Variants in FRMD3 observed in about 807,000 individuals in gnomAD.
FRMD3 encodes FERM domain-containing protein 3.
A neutral mutation model predicts 70.2 loss-of-function variants in FRMD3; 33 were observed. That is an observed-to-expected ratio of 0.47 (90% confidence interval 0.36 to 0.63). FRMD3 has a LOEUF of 0.63. Ranked by LOEUF, FRMD3 falls within the 20% of genes least tolerant of loss-of-function variation. FRMD3 has a pLI of 0.00. For missense variants in FRMD3, 632 were observed against 711.4 expected (o/e 0.89, Z 1.27); for synonymous variants, 279 against 255.9 (o/e 1.09, Z -0.86).
At chr9:83,357,289 ATATATAT>A (rs1824430033) in intron 3 of FRMD3, among the ~76,000 whole-genome samples, 7 of 82,914 alleles carry the variant, frequency 8.4e-5, no homozygotes, top group African/African-American at 3.2e-4. Context: ...ATATATATAT[ATATATAT>A]AAAACATTTT....
At chr9:83,512,859 C>A (rs1400079746) in intron 1 of FRMD3, among the ~76,000 whole-genome samples, 2 of 152,116 alleles carry the variant, frequency 1.3e-5, no homozygotes, top group African/African-American at 4.8e-5. Context: ...AGGAAAGGTC[C>A]ACTTTGAAGA....
chr9:83,573,602 T>C, the FRMD3 span, among the ~76,000 whole-genome samples: 5 of 152,178 alleles, frequency 3.3e-5, no homozygotes, highest in Non-Finnish European at 5.9e-5. Flanking sequence ...CTCTCATCTC[T>C]ACTCTTCTGT....
At chr9:83,459,452 C>T (rs909303438) in intron 1 of FRMD3, among the ~76,000 whole-genome samples, 1 of 152,248 alleles carries the variant, frequency 6.6e-6, no homozygotes, top group African/African-American at 2.4e-5. Context: ...TTTCAGCTCA[C>T]TTCAAGATGA....
At chr9:83,319,786 T>C (rs1416128648) in intron 6 of FRMD3, among the ~76,000 whole-genome samples, 1 of 152,226 alleles carries the variant, frequency 6.6e-6, no homozygotes, top group East Asian at 1.9e-4. Flanking sequence ...AGAGTTTCTC[T>C]GCACAAGCTC....
chr9:83,259,629 T>TA (rs1391298415), intron 13 of FRMD3, among the ~76,000 whole-genome samples: 2 of 152,314 alleles, frequency 1.3e-5, no homozygotes, highest in Admixed American at 6.5e-5. Flanking sequence ...CTGTGTTTTC[T>TA]AAAAGTTACA....
chr9:83,380,686 T>C (rs1158452656), intron 2 of FRMD3, among the ~76,000 whole-genome samples: 1 of 152,172 alleles, frequency 6.6e-6, no homozygotes, highest in Non-Finnish European at 1.5e-5. Context: ...GTAAACAATA[T>C]AGCACTTAGT....
intron 4 of FRMD3, among the ~76,000 whole-genome samples, chr9:83,345,942 A>G (rs1048176289): frequency 2.0e-5 from 3 of 151,916 alleles, no homozygotes; most frequent in African/African-American, 7.3e-5. Context: ...GTTCATAATA[A>G]CACTATTCAT....
At chr9:83,492,949 A>G (rs977124291) in intron 1 of FRMD3, among the ~76,000 whole-genome samples, 1 of 152,140 alleles carries the variant, frequency 6.6e-6, no homozygotes, top group Non-Finnish European at 1.5e-5. Context: ...CAGCAAGTCC[A>G]GGGGCCGAGA....
At chr9:83,548,683 A>C in the FRMD3 span, among the ~76,000 whole-genome samples, 1 of 152,202 alleles carries the variant, frequency 6.6e-6, no homozygotes, top group South Asian at 2.1e-4. Flanking sequence ...CAAAACCCAT[A>C]GAACTGTGCA....
chr9:83,493,781 A>G (rs1335862297), intron 1 of FRMD3, among the ~76,000 whole-genome samples: 1 of 152,146 alleles, frequency 6.6e-6, no homozygotes, highest in Non-Finnish European at 1.5e-5. Flanking sequence ...GGCAGCTCTT[A>G]CCCAGTCCTA....
intron 6 of FRMD3, among the ~76,000 whole-genome samples, chr9:83,329,500 A>G (rs530243083): frequency 6.6e-5 from 10 of 152,240 alleles, no homozygotes; most frequent in Non-Finnish European, 1.3e-4. Flanking sequence ...GCAAAGGTAG[A>G]GGATATTTTT....
At chr9:83,444,224 G>T (rs1259494773) in intron 1 of FRMD3, among the ~76,000 whole-genome samples, 1 of 152,162 alleles carries the variant, frequency 6.6e-6, no homozygotes, top group African/African-American at 2.4e-5. Context: ...GGGAGATGCG[G>T]GCTAGACCTG....
chr9:83,561,143 C>A, the FRMD3 span, among the ~76,000 whole-genome samples: 1 of 152,150 alleles, frequency 6.6e-6, no homozygotes, highest in Non-Finnish European at 1.5e-5. Context: ...GTGAGCTACA[C>A]CATATCTTTT....
At chr9:83,525,556 A>T (rs1315642749) in intron 1 of FRMD3, among the ~76,000 whole-genome samples, 1 of 152,232 alleles carries the variant, frequency 6.6e-6, no homozygotes, top group East Asian at 1.9e-4. Flanking sequence ...ATTTTGTAGC[A>T]TGTTGATAGG....
chr9:83,566,092 C>G, the FRMD3 span, among the ~76,000 whole-genome samples: 1 of 152,144 alleles, frequency 6.6e-6, no homozygotes, highest in Non-Finnish European at 1.5e-5. Flanking sequence ...TAGAGACATA[C>G]CCGAGACTGA....
chr9:83,310,577 G>A (rs79510916), intron 8 of FRMD3, 29 bp from the exon 9 acceptor site: 1 of 1,558,796 alleles, frequency 6.4e-7, no homozygotes, highest in Non-Finnish European at 8.6e-7. Context: ...TGGGTAAGAA[G>A]AAAAAAAGTG....
At chr9:83,423,074 T>C (rs1243844927) in intron 1 of FRMD3, among the ~76,000 whole-genome samples, 2 of 152,116 alleles carry the variant, frequency 1.3e-5, no homozygotes, top group South Asian at 2.1e-4. Context: ...GTAAAGCCAA[T>C]AAAAAAGCAC....
the FRMD3 span, among the ~76,000 whole-genome samples, chr9:83,563,613 C>A: frequency 6.6e-6 from 1 of 152,244 alleles, no homozygotes. Context: ...CCCACTCCCT[C>A]CTCCAGCTAA....
At chr9:83,529,788 A>T (rs181043805) in intron 1 of FRMD3, among the ~76,000 whole-genome samples, 55 of 152,346 alleles carry the variant, frequency 3.6e-4, no homozygotes, top group African/African-American at 1.2e-3. Context: ...AACTCTTACA[A>T]CTTAATAATA....
Sources: gnomAD v4.1 joint callset for allele counts (sites outside exome capture counted in the v4.1 genomes callset) on GRCh38, gnomAD v4.1.1 for gene constraint, MANE v1.5 for transcripts, NCBI Gene and HGNC (gene_info 2026-07-23, HGNC 2026-07-21) for gene names.